Variants in CFAP74 observed in about 807,000 individuals in gnomAD.
The protein encoded by CFAP74 is cilia- and flagella-associated protein 74.
A neutral mutation model predicts 188.9 loss-of-function variants in CFAP74; 124 were observed. The ratio of observed to expected loss-of-function variants is 0.66; its 90% CI spans 0.57 to 0.76. The LOEUF is 0.76. Among genes scored for constraint, CFAP74 ranks in the 30% least tolerant of loss-of-function variants. The pLI, the probability that CFAP74 is intolerant of heterozygous loss-of-function variation, is 0.00. For synonymous variants in CFAP74, 956 were observed against 916.7 expected, an observed-to-expected ratio of 1.04 and a Z score of -0.77; for missense variants, 2,198 against 2,165.2, an observed-to-expected ratio of 1.02 and a Z score of -0.30.
At position 1,923,176 on chromosome 1, in the gene CFAP74, G is replaced by T. The variant is rs1442306679; in HGVS notation, c.4523-31C>A. 1.3e-6 allele frequency: 2 copies of T among 1,582,756 alleles called. No homozygotes were observed. Among genetic ancestry groups the T allele is most frequent in the Non-Finnish European group, 1.7e-6 (2 of 1,167,180 alleles). On this transcript the variant is annotated intron_variant, in intron 36 of 38. Transcript: ENST00000682832. The surrounding 1 kb of genome is among the most constrained non-coding windows in gnomAD (Gnocchi z 6.3). Reference sequence around the variant, plus strand: ...GGGGTGTGGCCAGGGGAGCTGTTCAGGGTCAGGCTGAGGCATGGGGTGAGG... The same window carrying T: ...GGGGTGTGGCCAGGGGAGCTGTTCATGGTCAGGCTGAGGCATGGGGTGAGG...
chr1:1,967,608 T>G (rs1655561603), intron 11 of CFAP74, among the ~76,000 whole-genome samples: 1 of 152,028 alleles, frequency 6.6e-6, no homozygotes, highest in Admixed American at 6.6e-5. Context: ...AAGGACCTTC[T>G]CTGGTGCCCT....
At chr1:1,964,606 A>G (rs1196719211) in intron 13 of CFAP74, among the ~76,000 whole-genome samples, 2 of 152,218 alleles carry the variant, frequency 1.3e-5, no homozygotes, top group African/African-American at 4.8e-5. Flanking sequence ...CCTGGCCTAC[A>G]TGGTGAAACC....
intron 18 of CFAP74, chr1:1,954,717 A>T: frequency 6.0e-6 from 5 of 837,868 alleles, no homozygotes; most frequent in Non-Finnish European, 7.3e-6. Flanking sequence ...CGGGAGGTCG[A>T]GGCTGCAGTG....
intron 13 of CFAP74, 21 bp downstream of exon 13, chr1:1,964,867 C>G (rs1241543106): frequency 6.2e-7 from 1 of 1,613,222 alleles, no homozygotes; most frequent in Non-Finnish European, 8.5e-7. Flanking sequence ...CGTCCCGTTC[C>G]TGGCCCAGCT....
chr1:1,939,630 G>C lies in CFAP74; in HGVS notation c.2841C>G (p.Leu947=). ...RTEISLHNHS[L]LPQEFGFVRL... is the part of the protein sequence containing the mutation. The stretch of plus-strand genomic sequence containing the variant: ...TGACGAACCCGAACTCCTGGGGCAG[G>C]AGCGAGTGGTTGTGGAGGCTGATTT... The change falls in exon 24 of 39, where the codon CTC becomes CTG. Residue 947 remains leucine, a synonymous_variant. Coordinates refer to ENST00000682832, the MANE Select transcript of CFAP74 (RefSeq NM_001304360.2). 6.5e-7 allele frequency: 1 copy of C among 1,536,090 alleles called. No homozygotes were observed. Among genetic ancestry groups the C allele is most frequent in the Non-Finnish European group, 8.7e-7 (1 of 1,146,862 alleles).
At chr1:1,934,104 G>A (rs945268989) in intron 25 of CFAP74, among the ~76,000 whole-genome samples, 4 of 152,192 alleles carry the variant, frequency 2.6e-5, no homozygotes, top group African/African-American at 4.8e-5. Context: ...TCTGCATGGG[G>A]CTCTCCAAGT....
chr1:1,971,928 G>T (rs1025132657), intron 9 of CFAP74, 52 bp downstream of exon 9: 3 of 1,424,712 alleles, frequency 2.1e-6, no homozygotes, highest in African/African-American at 2.8e-5. Context: ...GCCCAGGGAC[G>T]GACCCCGGCA....
intron 1 of CFAP74, among the ~76,000 whole-genome samples, chr1:1,993,615 T>C (rs554362059): frequency 6.6e-6 from 1 of 151,198 alleles, no homozygotes; most frequent in South Asian, 2.1e-4. Flanking sequence ...ACCTTAAATA[T>C]GTGATTGGTT....
At chr1:1,978,467 A>C (rs1656589487) in intron 6 of CFAP74, among the ~76,000 whole-genome samples, 1 of 152,014 alleles carries the variant, frequency 6.6e-6, no homozygotes, top group South Asian at 2.1e-4. Context: ...TGGGGTCCCT[A>C]GGGCTGAAGT....
At chr1:1,972,258 G>A (rs933978139) in intron 8 of CFAP74, among the ~76,000 whole-genome samples, 176 bp from the exon 9 acceptor site, 2 of 152,198 alleles carry the variant, frequency 1.3e-5, no homozygotes, top group South Asian at 2.1e-4. Context: ...ATTTTTAACC[G>A]AGGAAGTGAC....
intron 13 of CFAP74, 91 bp downstream of exon 13, chr1:1,964,797 A>C (rs1024353158): frequency 2.3e-5 from 33 of 1,441,546 alleles, no homozygotes; most frequent in Non-Finnish European, 2.9e-5. Flanking sequence ...CTCAAAAAAA[A>C]GCAAAAGGTG....
At position 1,922,277 on chromosome 1, in the gene CFAP74, G is replaced by C. The variant is rs773281835; in HGVS notation, c.*10C>G. 8 of 1,604,932 alleles carry C rather than the reference G, an allele frequency of 5.0e-6. No homozygotes were observed. The Admixed American group carries it at 1.2e-4, about 24-fold the overall frequency. ...GGACAGGAGGGCCCGAGGGTGCTCT[G>C]TGCAGAGGCTTAGGGGCCAGTCAAC... is the stretch of plus-strand genomic sequence containing the variant. On this transcript the variant is annotated 3_prime_UTR_variant, in exon 39 of 39. Transcript: ENST00000682832.
intron 28 of CFAP74, 178 bp downstream of exon 28, chr1:1,927,429 G>C (rs1490125459): frequency 3.7e-5 from 24 of 645,996 alleles, no homozygotes; most frequent in Non-Finnish European, 5.8e-5. Flanking sequence ...TGGGGAAATG[G>C]GGTGGGTAGG....
At chr1:1,963,230 C>T (rs1266273475) in intron 14 of CFAP74, among the ~76,000 whole-genome samples, 1 of 152,052 alleles carries the variant, frequency 6.6e-6, no homozygotes, top group Non-Finnish European at 1.5e-5. Context: ...GCAGGTGGAC[C>T]GCCTGAGGTC....
chr1:1,934,135 G>A (rs894558781), intron 25 of CFAP74, among the ~76,000 whole-genome samples: 3 of 152,194 alleles, frequency 2.0e-5, no homozygotes, highest in Non-Finnish European at 2.9e-5. Context: ...AAAGTCCTGC[G>A]GCCTGAGAAG....
rs996999947 is a variant in CFAP74, at chr1:1,930,213, G to A, written c.3135C>T (p.Asn1045=). 2.6e-6 allele frequency: 4 copies of A among 1,535,638 alleles called. No individual in the cohort carries two copies. In the African/African-American group the frequency reaches 4.1e-5, roughly 16 times the overall value. ...TCGGTGAGCTCATGCTCAGGTGAGA[G>A]TTGATGACGTACACTGTAGCCACGG... ...DTSVATVYVI[N]SHLSMSSPTH... The change falls in exon 26 of 39, where the codon AAC becomes AAT. Residue 1045 remains asparagine, a synonymous_variant. Coordinates refer to ENST00000682832, the MANE Select transcript of CFAP74 (RefSeq NM_001304360.2).
intron 18 of CFAP74, chr1:1,953,729 A>G (rs1025309696): frequency 6.5e-6 from 1 of 153,682 alleles, no homozygotes. Context: ...GCAGGAGTGA[A>G]TTTGAGGTGG....
In CFAP74 at chr1:1,963,821, T is replaced by C. The variant is rs760939907; in HGVS notation, c.1622A>G (p.Asn541Ser). 6.2e-7 allele frequency: 1 copy of C among 1,613,668 alleles called. No homozygotes were observed. Among genetic ancestry groups the C allele is most frequent in the Non-Finnish European group, 8.5e-7 (1 of 1,179,884 alleles). ...KVYKKKITLV[N>S]TTYTINYCKL... ...GCAGTAGTTGATCGTGTAGGTGGTG[T>C]TTACCAACGTGATCTTTTTCTTGTA... The change falls in exon 14 of 39, where the codon AAC becomes AGC. Residue 541 changes from asparagine (N) to serine (S), a missense_variant. Coordinates refer to ENST00000682832, the MANE Select transcript of CFAP74 (RefSeq NM_001304360.2).
intron 18 of CFAP74, among the ~76,000 whole-genome samples, chr1:1,952,686 G>T (rs1334815609): frequency 6.6e-6 from 1 of 151,934 alleles, no homozygotes; most frequent in Non-Finnish European, 1.5e-5. Context: ...AAGAGACAGG[G>T]TCTCTGTCGC....
Sources: allele counts gnomAD v4.1 joint callset (sites outside exome capture counted in the v4.1 genomes callset), GRCh38; gene constraint gnomAD v4.1.1; non-coding constraint Gnocchi (gnomAD v3.1); transcripts MANE v1.5; gene names NCBI Gene and HGNC (gene_info 2026-07-23, HGNC 2026-07-21).